The following RET variants were observed in gnomAD, a reference collection of about 807,000 sequenced individuals.
RET encodes the protein ret proto-oncogene.
A neutral mutation model predicts 118.3 loss-of-function variants in RET; 19 were observed. The ratio of observed to expected loss-of-function variants is 0.16; its 90% CI spans 0.11 to 0.24. The LOEUF (loss-of-function observed/expected upper bound fraction) is 0.24, where lower values mean the gene tolerates loss of function less well. Ranked by LOEUF, RET falls within the 10% of genes least tolerant of loss-of-function variation. The pLI, the probability that RET is intolerant of heterozygous loss-of-function variation, is 1.00. For missense variants in RET, 1,219 were observed against 1,502.1 expected (o/e 0.81, Z 3.12); for synonymous variants, 597 against 644.1 (o/e 0.93, Z 1.11).
rs562602950 is a variant in RET, at chr10:43,104,150, C to T, written c.626-802C>T. 2.4e-4 allele frequency among the ~76,000 whole-genome samples: 37 copies of T among 152,312 alleles called. No homozygotes were observed. In the South Asian group the frequency reaches 7.0e-3, roughly 29 times the overall value. On this transcript the variant is annotated intron_variant, in intron 3 of 19. Transcript: ENST00000355710. ...GACAAGGAGGTGTAGAGTGGGGATGCACACTAGGCGGTCGGAAATCATTAT... is the reference window on the plus strand; with the variant it reads ...GACAAGGAGGTGTAGAGTGGGGATGTACACTAGGCGGTCGGAAATCATTAT...
intron 5 of RET, 129 bp from the exon 6 acceptor site, chr10:43,108,902 T>G: frequency 1.1e-6 from 1 of 886,356 alleles, no homozygotes; most frequent in Non-Finnish European, 1.9e-6. Flanking sequence ...GCCTGTTGCA[T>G]GGCACTGTAT....
At chr10:43,121,588 G>C (rs1312691743) in intron 15 of RET, among the ~76,000 whole-genome samples, 2 of 152,232 alleles carry the variant, frequency 1.3e-5, no homozygotes, top group Non-Finnish European at 2.9e-5. Context: ...GCTAGATGTT[G>C]GTTTCCCAAA....
intron 1 of RET, among the ~76,000 whole-genome samples, chr10:43,092,143 TA>T (rs147575385): frequency 6.6e-6 from 1 of 152,352 alleles, no homozygotes; most frequent in Non-Finnish European, 1.5e-5. Context: ...TACAATGGAA[TA>T]TTACTTGGCT....
intron 6 of RET, among the ~76,000 whole-genome samples, chr10:43,110,976 C>G (rs1160807779): frequency 6.6e-6 from 1 of 152,078 alleles, no homozygotes; most frequent in South Asian, 2.1e-4. Context: ...CTCCCAGGAA[C>G]AGGGGCAGCT....
In RET at chr10:43,104,775, C is replaced by T. The variant is rs1434308306; in HGVS notation, c.626-177C>T. 4.3e-6 allele frequency: 4 copies of T among 938,924 alleles called. No homozygotes were observed. The African/African-American group carries it at 6.7e-5, about 16-fold the overall frequency. 58.2% of individuals were successfully genotyped at this position (938,924 alleles called of 1,614,324 possible). ...TGCAAACTCGTAAGCACAGTCATCG[C>T]TGCAAACTGCAAACTCGTGCTCCGA... On this transcript the variant is annotated intron_variant, in intron 3 of 19. Transcript: ENST00000355710.
At position 43,124,950 on chromosome 10, in the gene RET, A is replaced by C. The variant is rs1392503702; in HGVS notation, c.3007A>C (p.Lys1003Gln). Residue 1003 changes from lysine (K) to glutamine (Q), a missense_variant, in exon 18 of 20, where the codon AAA becomes CAA. Transcript: ENST00000355710. ...AAGGCCGGTGTTTGCGGACATCAGC[A>C]AAGACCTGGAGAAGATGATGGTTAA... Reference protein sequence around the residue: ...DKRPVFADISKDLEKMMVKRR... With the variant: ...DKRPVFADISQDLEKMMVKRR... 1 of 1,614,246 alleles carries C rather than the reference A, an allele frequency of 6.2e-7. No homozygotes were observed. The highest frequency in any genetic ancestry group is 1.7e-4 in the Middle Eastern group (1 of 6,060).
intron 1 of RET, among the ~76,000 whole-genome samples, chr10:43,084,982 C>T (rs558835127): frequency 1.8e-4 from 27 of 152,312 alleles, no homozygotes; most frequent in African/African-American, 5.1e-4. Flanking sequence ...GGCTGATAAT[C>T]GGATCCGCTG....
chr10:43,078,712 T>C (rs1837110155), intron 1 of RET, among the ~76,000 whole-genome samples: 1 of 152,218 alleles, frequency 6.6e-6, no homozygotes, highest in South Asian at 2.1e-4. Flanking sequence ...CCCCACACCC[T>C]TCCACAGCCT....
At chr10:43,126,255 C>T (rs1457877588) in intron 18 of RET, among the ~76,000 whole-genome samples, 1 of 152,208 alleles carries the variant, frequency 6.6e-6, no homozygotes, top group Non-Finnish European at 1.5e-5. Flanking sequence ...CTAGATGAGG[C>T]GTCCCCCAAG....
chr10:43,092,019 A>G (rs1837422133), intron 1 of RET, among the ~76,000 whole-genome samples: 1 of 152,238 alleles, frequency 6.6e-6, no homozygotes, highest in Non-Finnish European at 1.5e-5. Context: ...GGAAGCAGTC[A>G]GGATATATTT....
At chr10:43,090,445 G>C (rs1275855006) in intron 1 of RET, among the ~76,000 whole-genome samples, 2 of 152,094 alleles carry the variant, frequency 1.3e-5, no homozygotes, top group African/African-American at 2.4e-5. Context: ...GGCCGCTTCT[G>C]GGCGCTGCCT....
rs1472923933 is a variant in RET at position 43,105,492 on chromosome 10, C to T, written c.867+299C>T. 2.6e-5 allele frequency among the ~76,000 whole-genome samples: 4 copies of T among 152,124 alleles called. No homozygotes were observed. In the East Asian group the frequency reaches 7.8e-4, roughly 30 times the overall value. On this transcript the variant is annotated intron_variant, in intron 4 of 19. Transcript: ENST00000355710. ...GGCGCGCTGCCCGGGCGGGGAGCAT[C>T]TGCCGGGAGGGCACTCCCTCCCACC...
intron 2 of RET, among the ~76,000 whole-genome samples, chr10:43,101,560 CT>C (rs1342798030): frequency 6.6e-6 from 1 of 152,226 alleles, no homozygotes; most frequent in African/African-American, 2.4e-5. Context: ...CACTTAGTTG[CT>C]GCCCTCTTCA....
At chr10:43,077,720 C>T (rs12243954) in intron 1 of RET, among the ~76,000 whole-genome samples, 4,245 of 152,300 alleles carry the variant, frequency 0.028, 218 homozygotes, top group African/African-American at 0.096. Flanking sequence ...CCCCGAAAGC[C>T]CGCGATTCGT....
In RET at chr10:43,108,735, G is replaced by A. The variant is rs150609520; in HGVS notation, c.1064-296G>A. ...ACACACTTACACATACCACACACACGCATACCATGCAAGCATATCATACAC... is the reference window on the plus strand; with the variant it reads ...ACACACTTACACATACCACACACACACATACCATGCAAGCATATCATACAC... On this transcript the variant is annotated intron_variant, in intron 5 of 19. Coordinates refer to ENST00000355710, the MANE Select transcript of RET (RefSeq NM_020975.6). Among the ~76,000 whole-genome samples, 525 of 151,972 alleles carry A rather than the reference G, an allele frequency of 3.5e-3. 5 individuals are homozygous for A. Among genetic ancestry groups the A allele is most frequent in the African/African-American group, 0.012 (481 of 41,412 alleles).
intron 18 of RET, 45 bp downstream of exon 18, chr10:43,125,027 G>A (rs748257058): frequency 5.7e-6 from 9 of 1,573,232 alleles, no homozygotes; most frequent in East Asian, 4.5e-5. Context: ...GTGGCTTGGG[G>A]AGACTCCAGC....
intron 5 of RET, among the ~76,000 whole-genome samples, chr10:43,108,071 A>T (rs112347458): frequency 1.3e-5 from 2 of 152,172 alleles, no homozygotes; most frequent in East Asian, 1.9e-4. Context: ...TGGACCAGGC[A>T]TAGTGGCTCA....
rs1460017583 is a variant in RET, at chr10:43,117,287, TAAC to T, written c.2284+559_2284+561del. On this transcript the variant is annotated intron_variant, in intron 12 of 19. Transcript: ENST00000355710. ...GGTGAGGGAGAGTGGTTGGTGTACA[TAAC>T]AATTATCTGCAGTAGTCGGGGGCTG... 5.9e-5 allele frequency among the ~76,000 whole-genome samples: 9 copies of T among 152,184 alleles called. No homozygotes were observed. In the East Asian group the frequency reaches 1.7e-3, roughly 29 times the overall value.
At chr10:43,093,388 G>T (rs1837449392) in intron 1 of RET, among the ~76,000 whole-genome samples, 1 of 152,176 alleles carries the variant, frequency 6.6e-6, no homozygotes, top group Non-Finnish European at 1.5e-5. Flanking sequence ...CCTGAGCAGT[G>T]AGGTGGGGCC....
Sources: gnomAD v4.1 joint callset for allele counts (sites outside exome capture counted in the v4.1 genomes callset) on GRCh38, gnomAD v4.1.1 for gene constraint, MANE v1.5 for transcripts, NCBI Gene and HGNC (gene_info 2026-07-23, HGNC 2026-07-21) for gene names.